The following DKK3 variants were observed in gnomAD, a reference collection of about 807,000 sequenced individuals.
DKK3 encodes the protein dickkopf-related protein 3.
Under a neutral mutation model 33.2 loss-of-function variants are expected in DKK3, and 22 were observed. The observed-to-expected ratio is 0.66, with a 90% confidence interval of 0.47 to 0.95. DKK3 has a LOEUF of 0.95. Ranked by LOEUF, DKK3 falls within the 40% of genes least tolerant of loss-of-function variation. The pLI is 0.00. For missense variants in DKK3, 398 were observed against 458.4 expected (o/e 0.87, Z 1.20); for synonymous variants, 194 against 188.8 (o/e 1.03, Z -0.23).
At chr11:12,003,463 C>T (rs1848472605) in intron 1 of DKK3, among the ~76,000 whole-genome samples, 1 of 152,184 alleles carries the variant, frequency 6.6e-6, no homozygotes, top group Non-Finnish European at 1.5e-5. Flanking sequence ...GGCTCATGAT[C>T]CTCCATAACA....
At chr11:11,983,501 C>A (rs11022104) in intron 3 of DKK3, among the ~76,000 whole-genome samples, 75,680 of 152,122 alleles carry the variant, frequency 0.5, 20,533 homozygotes, top group East Asian at 0.75. Context: ...ACCTGTAATC[C>A]CTCCTGACAT....
At chr11:11,995,374 T>C (rs1187640031) in intron 3 of DKK3, among the ~76,000 whole-genome samples, 1 of 152,180 alleles carries the variant, frequency 6.6e-6, no homozygotes. Context: ...TGTGGGCCAC[T>C]GTACCCAGCC....
chr11:11,983,580 G>A (rs1380882327), intron 3 of DKK3, among the ~76,000 whole-genome samples: 2 of 152,228 alleles, frequency 1.3e-5, no homozygotes, highest in African/African-American at 4.8e-5. Context: ...AGGCTGCAGA[G>A]GGAGAAGGGA....
intron 3 of DKK3, among the ~76,000 whole-genome samples, chr11:11,975,672 C>G (rs1847818034): frequency 6.6e-6 from 1 of 152,126 alleles, no homozygotes; most frequent in South Asian, 2.1e-4. Context: ...TCCTGGTTCA[C>G]CCAGGGCTAG....
intron 3 of DKK3, among the ~76,000 whole-genome samples, chr11:11,976,903 C>T (rs747761967): frequency 6.6e-6 from 1 of 152,148 alleles, no homozygotes; most frequent in African/African-American, 2.4e-5. Flanking sequence ...CGCAGCAGGG[C>T]GCCTCCAGTC....
chr11:11,997,048 C>T (rs886380471), intron 3 of DKK3, among the ~76,000 whole-genome samples: 1 of 152,230 alleles, frequency 6.6e-6, no homozygotes, highest in Non-Finnish European at 1.5e-5. Flanking sequence ...CTCAATTCCC[C>T]TGACTAAAAG....
chr11:11,997,179 C>T (rs916712958), intron 3 of DKK3, among the ~76,000 whole-genome samples: 14 of 152,238 alleles, frequency 9.2e-5, no homozygotes, highest in African/African-American at 1.4e-4. Flanking sequence ...GGCACGGCTG[C>T]TGCCCTCCCC....
chr11:11,964,277 T>C lies in DKK3; in HGVS notation c.*187A>G. 1 of 745,614 alleles carries C rather than the reference T, an allele frequency of 1.3e-6. No homozygotes were observed. Among genetic ancestry groups the C allele is most frequent in the East Asian group, 2.6e-5 (1 of 38,892 alleles). The allele number at this position is 745,614 out of a possible 1,614,324, so 46.2% of individuals were successfully genotyped here. A position where few individuals can be genotyped will look rare whatever the true frequency, so the allele number is the denominator to read the frequency against. On this transcript the variant is annotated 3_prime_UTR_variant, in exon 7 of 7. Transcript: ENST00000683431. The stretch of plus-strand genomic sequence containing the variant: ...TGCCTGACTCTCCCAAGCACCAGAC[T>C]GTGAAGCCTGGAGAACAGCCTGGGG...
At chr11:12,009,044 G>A, upstream of DKK3, 4 of 987,806 alleles carry the variant, frequency 4.0e-6, no homozygotes, top group Non-Finnish European at 4.8e-6. Context: ...CCTACCTGGG[G>A]TGGACCAAGC....
intron 5 of DKK3, 121 bp from the exon 6 acceptor site, chr11:11,966,086 A>G: frequency 8.3e-7 from 1 of 1,204,546 alleles, no homozygotes; most frequent in Non-Finnish European, 1.1e-6. Context: ...AGTGCAGGCT[A>G]GTTTTGAAGA....
At position 11,988,743 on chromosome 11, in the gene DKK3, T is replaced by C. The variant is rs1848124585; in HGVS notation, c.435+9953A>G. On this transcript the variant is annotated intron_variant, in intron 3 of 6. Transcript: ENST00000683431. ...GGAGTGGGTGTTAATTCCTGAATGG[T>C]CAAGGAAATCACATCTCTGGATCCC... Among the ~76,000 whole-genome samples the C allele has an allele frequency of 2.6e-5, 4 of 152,074 alleles. No homozygotes were observed. In the South Asian group the frequency reaches 8.3e-4, roughly 32 times the overall value.
At chr11:12,003,249 T>G (rs1014821260) in intron 1 of DKK3, among the ~76,000 whole-genome samples, 2 of 152,154 alleles carry the variant, frequency 1.3e-5, no homozygotes, top group Non-Finnish European at 2.9e-5. Flanking sequence ...GGAGGGAACC[T>G]AAACTTACTC....
chr11:12,008,624 C>T lies in DKK3; in HGVS notation c.-42G>A. On this transcript the variant is annotated 5_prime_UTR_variant, in exon 1 of 7. Transcript: ENST00000683431. The surrounding 1 kb of genome is among the most constrained non-coding windows in gnomAD (Gnocchi z 4.6). ...CAGCCGCCGCCTGTGTGTCCCGGAA[C>T]GCGATCAGAGGCGCGCGGACCACCC... 7.4e-7 allele frequency: 1 copy of T among 1,352,824 alleles called. No homozygotes were observed. Among genetic ancestry groups the T allele is most frequent in the Non-Finnish European group, 9.4e-7 (1 of 1,061,692 alleles). The allele number at this position is 1,352,824 out of a possible 1,614,324, so 83.8% of individuals were successfully genotyped here. A position where few individuals can be genotyped will look rare whatever the true frequency, so the allele number is the denominator to read the frequency against.
chr11:12,007,412 C>A (rs1848560042), intron 1 of DKK3, among the ~76,000 whole-genome samples: 1 of 152,146 alleles, frequency 6.6e-6, no homozygotes, highest in South Asian at 2.1e-4. Context: ...CGTCTACCCA[C>A]CCCAGGCACC....
At chr11:11,985,080 A>T (rs1413810746) in intron 3 of DKK3, among the ~76,000 whole-genome samples, 1 of 152,204 alleles carries the variant, frequency 6.6e-6, no homozygotes, top group Non-Finnish European at 1.5e-5. Context: ...GGATGGCAAG[A>T]AACGTGGAAC....
chr11:12,007,028 C>G (rs372533101), intron 1 of DKK3, among the ~76,000 whole-genome samples: 2 of 152,290 alleles, frequency 1.3e-5, no homozygotes, highest in East Asian at 3.9e-4. Context: ...TTTGCAATCA[C>G]AGGAAACAGA....
intron 3 of DKK3, among the ~76,000 whole-genome samples, chr11:11,987,194 C>T (rs12288230): frequency 0.1 from 15,968 of 152,100 alleles, 1,980 homozygotes; most frequent in African/African-American, 0.3. Flanking sequence ...AATTTTTTCC[C>T]TGGGCCTGAG....
Position 11,968,428 on chromosome 11 carries a change from C to T in DKK3, c.495G>A (p.Gln165=), listed in dbSNP as rs1378714560. The change falls in exon 4 of 7, where the codon CAG becomes CAA. Residue 165 remains glutamine (Q), a synonymous_variant. Transcript: ENST00000683431. The stretch of plus-strand genomic sequence containing the variant: ...GGCCCCGGCATGGCTGGCAGGTGTA[C>T]TGGAAGCTGGCAAACTGGCAGTACA... ...PSMYCQFASF[Q]YTCQPCRGQR... The T allele has an allele frequency of 6.2e-7, 1 of 1,613,480 alleles. No homozygotes were observed. The highest frequency in any genetic ancestry group is 1.1e-5 in the South Asian group (1 of 91,006).
chr11:11,964,427 A>G lies in DKK3; in HGVS notation c.*37T>C. On this transcript the variant is annotated 3_prime_UTR_variant, in exon 7 of 7. Coordinates refer to ENST00000683431, the MANE Select transcript of DKK3 (RefSeq NM_001018057.2). ...ACACACCTGGGGAAATAAATTAGCT[A>G]TTTCTATTGCACATCTACCCACAGC... 6.3e-7 allele frequency: 1 copy of G among 1,596,146 alleles called. No individual in the cohort carries two copies. The highest frequency in any genetic ancestry group is 1.7e-4 in the Middle Eastern group (1 of 6,014).
Sources: gnomAD v4.1 joint callset for allele counts (sites outside exome capture counted in the v4.1 genomes callset) on GRCh38, gnomAD v4.1.1 for gene constraint, Gnocchi (gnomAD v3.1) non-coding constraint, MANE v1.5 for transcripts, NCBI Gene and HGNC (gene_info 2026-07-23, HGNC 2026-07-21) for gene names.